MITF: variants seen among roughly 807,000 people sequenced by gnomAD.
MITF encodes microphthalmia-associated transcription factor.
In MITF, 17 loss-of-function variants were observed where a neutral mutation model predicts 60.5. That is an observed-to-expected ratio of 0.28 (90% CI 0.19 to 0.42). The LOEUF (loss-of-function observed/expected upper bound fraction) is 0.42, where lower values mean the gene tolerates loss of function less well. Among genes scored for constraint, MITF ranks in the 10% least tolerant of loss-of-function variants. The probability of loss-of-function intolerance (pLI) is 1.00; values close to 1 mark genes in which losing one functional copy is unlikely to be tolerated. For synonymous variants in MITF, 260 were observed against 248.5 expected, an observed-to-expected ratio of 1.05 and a Z score of -0.43; for missense variants, 622 against 683.5, an observed-to-expected ratio of 0.91 and a Z score of 1.00.
intron 1 of MITF, among the ~76,000 whole-genome samples, chr3:69,847,716 G>A (rs1195253876): frequency 6.6e-6 from 1 of 152,232 alleles, no homozygotes; most frequent in East Asian, 1.9e-4. Context: ...GGTTTCAGAT[G>A]GAGAGAAAAG....
In MITF at chr3:69,801,207, C is replaced by T. The variant is rs934917447; in HGVS notation, c.104+61506C>T. ...AAGCTCATTTTGTATTCCATTGTTTCGAGTGGCTAAAATATCAGGACTAAA... is the reference window on the plus strand; with the variant it reads ...AAGCTCATTTTGTATTCCATTGTTTTGAGTGGCTAAAATATCAGGACTAAA... On this transcript the variant is annotated intron_variant, in intron 1 of 9. Transcript: ENST00000352241. Among the ~76,000 whole-genome samples, 12 of 151,898 alleles carry T rather than the reference C, an allele frequency of 7.9e-5. No homozygotes were observed. In the East Asian group the frequency reaches 9.7e-4, roughly 12 times the overall value.
At chr3:69,866,162 A>G in intron 1 of MITF, 1 of 1,527,308 alleles carries the variant, frequency 6.5e-7, no homozygotes, top group African/African-American at 1.4e-5. Context: ...GTTCTAGCAC[A>G]GAGCTGTGTT....
chr3:69,955,183 TG>T (rs1246602644), intron 7 of MITF, among the ~76,000 whole-genome samples: 1 of 152,156 alleles, frequency 6.6e-6, no homozygotes, highest in Non-Finnish European at 1.5e-5. Context: ...TCACCACTGG[TG>T]CCTACTCAGA....
chr3:69,810,290 T>C (rs1320135733), intron 1 of MITF, among the ~76,000 whole-genome samples: 1 of 152,232 alleles, frequency 6.6e-6, no homozygotes, highest in Non-Finnish European at 1.5e-5. Flanking sequence ...TTCATGTCTT[T>C]ACAAAGCGTT....
chr3:69,871,511 C>A (rs1477391519), intron 1 of MITF, among the ~76,000 whole-genome samples: 1 of 152,180 alleles, frequency 6.6e-6, no homozygotes, highest in Non-Finnish European at 1.5e-5. Flanking sequence ...TGCCATGTGG[C>A]CACCATAAAT....
intron 1 of MITF, among the ~76,000 whole-genome samples, chr3:69,810,700 G>A (rs1472077776): frequency 1.3e-5 from 2 of 152,114 alleles, no homozygotes; most frequent in East Asian, 3.9e-4. Context: ...ACCTTCAGAG[G>A]CCACTGTGAG....
At chr3:69,747,274 A>G (rs1338628252) in intron 1 of MITF, among the ~76,000 whole-genome samples, 2 of 152,246 alleles carry the variant, frequency 1.3e-5, no homozygotes, top group African/African-American at 4.8e-5. Flanking sequence ...TGGAAATTAA[A>G]TGGAGCATTA....
chr3:69,844,263 C>A (rs1434826901), intron 1 of MITF, among the ~76,000 whole-genome samples: 5 of 151,966 alleles, frequency 3.3e-5, no homozygotes, highest in Admixed American at 2.0e-4. Context: ...GTATTGGTAC[C>A]AAAACAGATA....
intron 1 of MITF, among the ~76,000 whole-genome samples, chr3:69,873,997 G>A (rs749173830): frequency 4.6e-5 from 7 of 152,100 alleles, no homozygotes; most frequent in Non-Finnish European, 7.4e-5. Flanking sequence ...AACCCCTGTA[G>A]CTTAACCCAT....
At chr3:69,922,020 T>G (rs557978518) in intron 2 of MITF, among the ~76,000 whole-genome samples, 1 of 152,308 alleles carries the variant, frequency 6.6e-6, no homozygotes, top group Admixed American at 6.5e-5. Context: ...AGGGCAAAAC[T>G]GCCTGTACAG....
At chr3:69,871,532 A>G (rs2064236978) in intron 1 of MITF, among the ~76,000 whole-genome samples, 2 of 152,214 alleles carry the variant, frequency 1.3e-5, no homozygotes, top group African/African-American at 2.4e-5. Flanking sequence ...CATTACTGCT[A>G]TGTGTAAGGT....
chr3:69,938,876 T>C, intron 3 of MITF: 1 of 1,443,050 alleles, frequency 6.9e-7, no homozygotes, highest in Non-Finnish European at 9.1e-7. Flanking sequence ...TCTTTGCCCC[T>C]ATGCCCAAAC....
chr3:69,790,704 C>T (rs550417871), intron 1 of MITF, among the ~76,000 whole-genome samples: 3 of 152,150 alleles, frequency 2.0e-5, no homozygotes, highest in Non-Finnish European at 4.4e-5. Context: ...ACCCCTATAT[C>T]TCGCTTCTCT....
chr3:69,784,922 C>T (rs1198090738), intron 1 of MITF, among the ~76,000 whole-genome samples: 1 of 152,166 alleles, frequency 6.6e-6, no homozygotes, highest in Non-Finnish European at 1.5e-5. Context: ...AGGGAAATCT[C>T]AAGGGTCCTG....
At chr3:69,777,062 TTTGCAATTTTG>T (rs2062485853) in intron 1 of MITF, among the ~76,000 whole-genome samples, 1 of 152,186 alleles carries the variant, frequency 6.6e-6, no homozygotes, top group African/African-American at 2.4e-5. Context: ...TAATCATGCA[TTTGCAATTTTG>T]CAGATCACAA....
intron 1 of MITF, among the ~76,000 whole-genome samples, chr3:69,861,779 G>A (rs2064021486): frequency 6.6e-6 from 1 of 152,134 alleles, no homozygotes; most frequent in Non-Finnish European, 1.5e-5. Flanking sequence ...GCCTTTCGGT[G>A]GCATGTGACT....
intron 1 of MITF, among the ~76,000 whole-genome samples, chr3:69,821,193 A>G (rs1203034163): frequency 2.6e-5 from 4 of 152,176 alleles, no homozygotes; most frequent in Non-Finnish European, 5.9e-5. Flanking sequence ...TCAGACTTTT[A>G]GCTGCTTCAC....
At chr3:69,875,666 T>G (rs1226095555) in intron 1 of MITF, among the ~76,000 whole-genome samples, 1 of 152,268 alleles carries the variant, frequency 6.6e-6, no homozygotes, top group Non-Finnish European at 1.5e-5. Context: ...ATAAGCATTG[T>G]TGCCACTTGT....
At chr3:69,774,266 G>A (rs1473227834) in intron 1 of MITF, among the ~76,000 whole-genome samples, 1 of 152,190 alleles carries the variant, frequency 6.6e-6, no homozygotes, top group Admixed American at 6.5e-5. Flanking sequence ...GCATCATGAT[G>A]TTTGGCACAC....
Sources: gnomAD v4.1 joint callset for allele counts (sites outside exome capture counted in the v4.1 genomes callset) on GRCh38, gnomAD v4.1.1 for gene constraint, MANE v1.5 for transcripts, NCBI Gene and HGNC (gene_info 2026-07-23, HGNC 2026-07-21) for gene names.